The following AFG2A variants were observed in gnomAD, a reference collection of about 807,000 sequenced individuals.
AFG2A encodes the protein ATPase family gene 2 protein homolog A.
the AFG2A span, among the ~76,000 whole-genome samples, chr4:123,263,701 C>A: frequency 6.6e-6 from 1 of 152,002 alleles, no homozygotes; most frequent in Non-Finnish European, 1.5e-5. Context: ...ATCAAAAAAT[C>A]AAAAAATAAT....
the AFG2A span, among the ~76,000 whole-genome samples, chr4:122,944,698 A>G: frequency 2.0e-5 from 3 of 152,138 alleles, no homozygotes. Context: ...TTCCTTTGGA[A>G]GAGGAGAGGC....
the AFG2A span, among the ~76,000 whole-genome samples, chr4:123,180,228 C>T: frequency 2.6e-5 from 4 of 151,948 alleles, no homozygotes; most frequent in Admixed American, 1.3e-4. Context: ...TCAGAAAAAA[C>T]AACAACAACA....
the AFG2A span, among the ~76,000 whole-genome samples, chr4:123,055,231 G>A: frequency 1.3e-5 from 2 of 152,204 alleles, no homozygotes; most frequent in Non-Finnish European, 2.9e-5. Context: ...AGTTCATATA[G>A]TAACATCTAT....
the AFG2A span, among the ~76,000 whole-genome samples, chr4:123,047,428 T>G: frequency 6.6e-6 from 1 of 152,142 alleles, no homozygotes; most frequent in Non-Finnish European, 1.5e-5. Flanking sequence ...TATTTGCTAC[T>G]GAGTTGTTTG....
chr4:123,064,418 A>G, the AFG2A span, among the ~76,000 whole-genome samples: 2 of 152,250 alleles, frequency 1.3e-5, no homozygotes, highest in Non-Finnish European at 2.9e-5. Context: ...TACAGTAAAG[A>G]AAAACTCACA....
At chr4:123,104,960 A>G in the AFG2A span, among the ~76,000 whole-genome samples, 1 of 152,228 alleles carries the variant, frequency 6.6e-6, no homozygotes, top group Admixed American at 6.5e-5. Context: ...AAATCTAGCT[A>G]AGATAATTAA....
At chr4:123,119,208 A>C in the AFG2A span, among the ~76,000 whole-genome samples, 1 of 152,174 alleles carries the variant, frequency 6.6e-6, no homozygotes, top group African/African-American at 2.4e-5. Flanking sequence ...TTTTGGAATC[A>C]GTATTTTTTA....
chr4:122,977,306 C>A, the AFG2A span, among the ~76,000 whole-genome samples: 1 of 152,186 alleles, frequency 6.6e-6, no homozygotes. Flanking sequence ...GTGAGCCAGG[C>A]GCAGAGCAGT....
At chr4:123,023,505 A>G in the AFG2A span, among the ~76,000 whole-genome samples, 1 of 152,220 alleles carries the variant, frequency 6.6e-6, no homozygotes, top group Non-Finnish European at 1.5e-5. Flanking sequence ...TGAGTATCCT[A>G]TACCTATAAT....
the AFG2A span, among the ~76,000 whole-genome samples, chr4:123,088,148 T>C: frequency 2.6e-3 from 391 of 152,336 alleles, no homozygotes; most frequent in Middle Eastern, 0.031. Flanking sequence ...TTTACTGTTA[T>C]GCTGAGCCAT....
chr4:123,237,732 C>T, the AFG2A span, among the ~76,000 whole-genome samples: 3 of 149,092 alleles, frequency 2.0e-5, no homozygotes, highest in African/African-American at 7.5e-5. Flanking sequence ...ATAGGAACAG[C>T]TCTGGTCTGC....
chr4:123,185,252 C>G, the AFG2A span, among the ~76,000 whole-genome samples: 1 of 151,856 alleles, frequency 6.6e-6, no homozygotes, highest in Non-Finnish European at 1.5e-5. Flanking sequence ...AATTTTTATT[C>G]TATCTCATAT....
the AFG2A span, among the ~76,000 whole-genome samples, chr4:122,939,741 G>A: frequency 2.9e-3 from 447 of 151,842 alleles, 3 homozygotes; most frequent in Non-Finnish European, 5.0e-3. Context: ...TTAACTCGTC[G>A]TTTAGCATTA....
the AFG2A span, among the ~76,000 whole-genome samples, chr4:122,972,540 C>CTT: frequency 3.5e-5 from 5 of 141,700 alleles, no homozygotes; most frequent in African/African-American, 5.1e-5. Flanking sequence ...GACTGTCAGT[C>CTT]TTTTTTTTTT....
the AFG2A span, among the ~76,000 whole-genome samples, chr4:123,273,899 T>G: frequency 6.6e-6 from 1 of 152,170 alleles, no homozygotes; most frequent in East Asian, 1.9e-4. Flanking sequence ...ATAGGGTTAC[T>G]TAACCTGTAC....
chr4:123,175,677 G>A, the AFG2A span, among the ~76,000 whole-genome samples: 5 of 152,206 alleles, frequency 3.3e-5, no homozygotes, highest in African/African-American at 9.7e-5. Context: ...GCTTGATAAT[G>A]TTGTGTATCC....
chr4:122,988,127 G>T, the AFG2A span, among the ~76,000 whole-genome samples: 1 of 150,936 alleles, frequency 6.6e-6, no homozygotes, highest in East Asian at 2.0e-4. Flanking sequence ...CTCCTGGCCC[G>T]CAATGGATTG....
chr4:122,972,064 AT>A, the AFG2A span, among the ~76,000 whole-genome samples: 9 of 152,100 alleles, frequency 5.9e-5, no homozygotes, highest in African/African-American at 1.2e-4. Flanking sequence ...CTCTGGAACA[AT>A]TTTTTAAAAA....
the AFG2A span, among the ~76,000 whole-genome samples, chr4:123,085,915 TAC>T: frequency 3.3e-5 from 5 of 152,050 alleles, no homozygotes; most frequent in Non-Finnish European, 5.9e-5. Context: ...AATATATTTC[TAC>T]TTTCAAATAG....
Sources: gnomAD v4.1 joint callset for allele counts (sites outside exome capture counted in the v4.1 genomes callset) on GRCh38, gnomAD v4.1.1 for gene constraint, MANE v1.5 for transcripts, NCBI Gene and HGNC (gene_info 2026-07-23, HGNC 2026-07-21) for gene names.